Variants in AK5 observed in about 807,000 individuals in gnomAD.
AK5 encodes adenylate kinase isoenzyme 5.
A neutral mutation model predicts 69.5 loss-of-function variants in AK5; 27 were observed. The ratio of observed to expected loss-of-function variants is 0.39; its 90% CI spans 0.29 to 0.54. AK5 has a LOEUF of 0.54. Ranked by LOEUF, AK5 falls within the 20% of genes least tolerant of loss-of-function variation. The probability of loss-of-function intolerance (pLI) is 0.71; values close to 1 mark genes in which losing one functional copy is unlikely to be tolerated. For synonymous variants in AK5, 260 were observed against 244.4 expected (o/e 1.06, Z -0.60); for missense variants, 531 against 700.4 (o/e 0.76, Z 2.73).
intron 1 of AK5, chr1:77,283,429 GT>G (rs79754897): frequency 0.052 from 51,427 of 985,260 alleles, 1,894 homozygotes; most frequent in East Asian, 0.36. Flanking sequence ...GGTCATGAGG[GT>G]TTTTCCCCCC....
chr1:77,404,727 G>A (rs917220438), intron 6 of AK5, among the ~76,000 whole-genome samples: 2 of 152,150 alleles, frequency 1.3e-5, no homozygotes, highest in African/African-American at 2.4e-5. Flanking sequence ...CAGCATCTGC[G>A]CCATCCCATG....
intron 5 of AK5, among the ~76,000 whole-genome samples, chr1:77,317,414 T>A (rs770510269): frequency 3.3e-5 from 5 of 152,202 alleles, no homozygotes; most frequent in Admixed American, 6.5e-5. Context: ...GGGAAGGGAA[T>A]TAGAATCCAC....
chr1:77,418,437 G>A (rs1429119046), intron 8 of AK5, among the ~76,000 whole-genome samples: 1 of 152,172 alleles, frequency 6.6e-6, no homozygotes, highest in Non-Finnish European at 1.5e-5. Flanking sequence ...TGGGGACACA[G>A]AGCCAAACCA....
intron 10 of AK5, among the ~76,000 whole-genome samples, chr1:77,500,273 C>T (rs1656632984): frequency 6.6e-6 from 1 of 152,114 alleles, no homozygotes; most frequent in South Asian, 2.1e-4. Flanking sequence ...AAAAGAGATA[C>T]AGCTTTTGGT....
chr1:77,401,915 T>C (rs750773775), intron 6 of AK5, among the ~76,000 whole-genome samples: 1 of 152,234 alleles, frequency 6.6e-6, no homozygotes, highest in Non-Finnish European at 1.5e-5. Context: ...TTTTGAAATT[T>C]CCAATTGACC....
intron 7 of AK5, among the ~76,000 whole-genome samples, chr1:77,414,072 G>A (rs1224602354): frequency 2.0e-5 from 3 of 152,194 alleles, no homozygotes; most frequent in Admixed American, 1.3e-4. Flanking sequence ...AATGTTTGTA[G>A]CATGGATCAA....
chr1:77,545,389 A>C (rs945755519), intron 13 of AK5, among the ~76,000 whole-genome samples: 1 of 152,108 alleles, frequency 6.6e-6, no homozygotes, highest in Non-Finnish European at 1.5e-5. Context: ...TCTGTGAAAC[A>C]CCTCCAGGTT....
At chr1:77,411,808 A>G (rs1452155235) in intron 7 of AK5, among the ~76,000 whole-genome samples, 1 of 152,198 alleles carries the variant, frequency 6.6e-6, no homozygotes, top group African/African-American at 2.4e-5. Context: ...ATTTTAAATC[A>G]CTATTTGAAG....
At chr1:77,441,861 G>A (rs756254185) in intron 8 of AK5, among the ~76,000 whole-genome samples, 2 of 152,132 alleles carry the variant, frequency 1.3e-5, no homozygotes, top group African/African-American at 2.4e-5. Context: ...GGGTATTGGG[G>A]TGCAGATTTG....
intron 11 of AK5, among the ~76,000 whole-genome samples, chr1:77,521,573 A>G (rs1657985004): frequency 6.6e-6 from 1 of 152,238 alleles, no homozygotes; most frequent in Non-Finnish European, 1.5e-5. Context: ...ATAACTGGTA[A>G]GAATATACCA....
intron 8 of AK5, among the ~76,000 whole-genome samples, chr1:77,433,906 TTTTA>T (rs994608211): frequency 2.6e-5 from 4 of 151,524 alleles, no homozygotes; most frequent in East Asian, 1.9e-4. Flanking sequence ...AGTACATAAT[TTTTA>T]TTTATTTTAT....
chr1:77,541,781 C>A (rs1659286291), intron 13 of AK5, among the ~76,000 whole-genome samples: 1 of 152,122 alleles, frequency 6.6e-6, no homozygotes, highest in African/African-American at 2.4e-5. Context: ...CCAGAATATG[C>A]CCACCTGACA....
At chr1:77,544,150 T>C (rs1267140035) in intron 13 of AK5, among the ~76,000 whole-genome samples, 2 of 152,182 alleles carry the variant, frequency 1.3e-5, no homozygotes, top group African/African-American at 4.8e-5. Context: ...TATCAAAATA[T>C]GGCAAAGATA....
intron 8 of AK5, among the ~76,000 whole-genome samples, chr1:77,482,539 G>A (rs745495867): frequency 4.4e-4 from 67 of 152,096 alleles, no homozygotes; most frequent in Non-Finnish European, 6.0e-4. Flanking sequence ...TTGAAAGGCC[G>A]AGGTAGGCAG....
At position 77,282,166 on chromosome 1, in the gene AK5, G is replaced by T; in HGVS notation, c.-148G>T. On this transcript the variant is annotated 5_prime_UTR_variant, in exon 1 of 14. Coordinates refer to ENST00000354567, the MANE Select transcript of AK5 (RefSeq NM_174858.3). Reference sequence around the variant, plus strand: ...AGAGGCGGAGGGGGTCCCTGGCCTGGGCGGAGAGGCTGAGCTGAGTGCGCG... The same window carrying T: ...AGAGGCGGAGGGGGTCCCTGGCCTGTGCGGAGAGGCTGAGCTGAGTGCGCG... The T allele has an allele frequency of 1.6e-6, 1 of 628,570 alleles. No homozygotes were observed. The allele number at this position is 628,570 out of a possible 1,614,324, so 38.9% of individuals were successfully genotyped here.
intron 6 of AK5, among the ~76,000 whole-genome samples, chr1:77,360,640 C>T: frequency 6.6e-6 from 1 of 151,296 alleles, no homozygotes; most frequent in East Asian, 1.9e-4. Context: ...TGTTTGTGTG[C>T]TTGTTTGGTT....
At chr1:77,312,909 C>T (rs1453982) in intron 5 of AK5, among the ~76,000 whole-genome samples, 47,902 of 151,756 alleles carry the variant, frequency 0.32, 7,757 homozygotes, top group Admixed American at 0.36. Context: ...GGTTTCGTGT[C>T]CCCAGCTGCC....
At chr1:77,403,707 G>A (rs1162672344) in intron 6 of AK5, among the ~76,000 whole-genome samples, 2 of 152,218 alleles carry the variant, frequency 1.3e-5, no homozygotes, top group Non-Finnish European at 2.9e-5. Context: ...TAGCCTTGTA[G>A]TATAGTTTGA....
chr1:77,470,865 A>T (rs1191784825), intron 8 of AK5, among the ~76,000 whole-genome samples: 2,939 of 6,422 alleles, frequency 0.46, 433 homozygotes, highest in South Asian at 0.51. Context: ...ATATATATAT[A>T]TATATATATA....
Sources: gnomAD v4.1 joint callset for allele counts (sites outside exome capture counted in the v4.1 genomes callset) on GRCh38, gnomAD v4.1.1 for gene constraint, MANE v1.5 for transcripts, NCBI Gene and HGNC (gene_info 2026-07-23, HGNC 2026-07-21) for gene names.